Variants in DAB1 observed in about 807,000 individuals in gnomAD.
DAB1 encodes disabled homolog 1.
Under a neutral mutation model 64.6 loss-of-function variants are expected in DAB1, and 15 were observed. The observed-to-expected ratio is 0.23, with a 90% CI of 0.16 to 0.36. The LOEUF is 0.36. DAB1 is among the 10% of genes least tolerant of loss of function. The pLI is 1.00. For missense variants in DAB1, 596 were observed against 706.7 expected (o/e 0.84, Z 1.78); for synonymous variants, 235 against 251.9 (o/e 0.93, Z 0.64).
intron 6 of DAB1, among the ~76,000 whole-genome samples, chr1:57,745,979 T>C (rs1453203137): frequency 2.6e-5 from 4 of 152,206 alleles, no homozygotes; most frequent in African/African-American, 9.6e-5. Context: ...ACACTACATA[T>C]CATTGTGCAC....
chr1:57,070,291 T>C (rs1442169873), intron 7 of DAB1, among the ~76,000 whole-genome samples: 1 of 152,204 alleles, frequency 6.6e-6, no homozygotes, highest in Non-Finnish European at 1.5e-5. Context: ...TTCCTTTGTG[T>C]TCAATAAGTC....
chr1:58,506,462 A>T (rs892959553), intron 2 of DAB1, among the ~76,000 whole-genome samples: 3 of 152,154 alleles, frequency 2.0e-5, no homozygotes, highest in South Asian at 2.1e-4. Flanking sequence ...ATTTTCTATC[A>T]TCACTTTAAT....
intron 5 of DAB1, among the ~76,000 whole-genome samples, chr1:58,070,394 A>G (rs918525089): frequency 2.0e-5 from 3 of 152,194 alleles, no homozygotes; most frequent in Non-Finnish European, 4.4e-5. Flanking sequence ...TCATCACAAC[A>G]ACCCCATGAG....
chr1:58,350,651 G>C (rs1254585452), intron 3 of DAB1, among the ~76,000 whole-genome samples: 2 of 152,074 alleles, frequency 1.3e-5, no homozygotes, highest in Admixed American at 6.5e-5. Flanking sequence ...TGTAAGAAGG[G>C]GTACAGTTTC....
intron 5 of DAB1, among the ~76,000 whole-genome samples, chr1:57,948,513 G>A (rs947218223): frequency 3.3e-5 from 5 of 152,192 alleles, no homozygotes; most frequent in Admixed American, 3.3e-4. Context: ...TGGCTCTGAA[G>A]TAGCCAGCCC....
intron 9 of DAB1, among the ~76,000 whole-genome samples, chr1:57,029,270 A>G (rs1238465448): frequency 6.6e-6 from 1 of 152,212 alleles, no homozygotes; most frequent in Non-Finnish European, 1.5e-5. Flanking sequence ...CTACGGGTGC[A>G]CAGAAGTCAA....
At position 58,090,618 on chromosome 1, in the gene DAB1, C is replaced by T. The variant is rs549953121; in HGVS notation, n.387+59893G>A. On this transcript the variant is annotated intron_variant and non_coding_transcript_variant, in intron 5 of 20. Transcript: ENST00000485760. Reference sequence around the variant, plus strand: ...TTCTTGGGGTGGGCATCCAGTCCTACCTTCATCCCTTAGGCCTTATTTCCT... The same window carrying T: ...TTCTTGGGGTGGGCATCCAGTCCTATCTTCATCCCTTAGGCCTTATTTCCT... 6.6e-5 allele frequency among the ~76,000 whole-genome samples: 10 copies of T among 152,250 alleles called. 1 individual carries two copies. In the South Asian group the frequency reaches 2.1e-3, roughly 32 times the overall value.
chr1:57,426,874 A>ATATATATATTT (rs57970737), upstream of DAB1, among the ~76,000 whole-genome samples: 38 of 149,280 alleles, frequency 2.5e-4, no homozygotes, highest in African/African-American at 6.9e-4. Flanking sequence ...ATATATATAT[A>ATATATATATTT]TTTTTTTGAG....
intron 3 of DAB1, chr1:58,506,009 A>T (rs1645982880): frequency 1.3e-6 from 1 of 794,496 alleles, no homozygotes; most frequent in South Asian, 1.6e-5. Flanking sequence ...CAGCATTAAA[A>T]ATAAATGATA....
intron 2 of DAB1, among the ~76,000 whole-genome samples, chr1:58,527,100 A>C (rs1646364222): frequency 6.6e-6 from 1 of 152,148 alleles, no homozygotes; most frequent in Admixed American, 6.5e-5. Context: ...CATTCTTTCA[A>C]GGTCCATAAT....
At chr1:58,096,979 C>T (rs1106875) in intron 5 of DAB1, among the ~76,000 whole-genome samples, 10,341 of 152,254 alleles carry the variant, frequency 0.068, 476 homozygotes, top group African/African-American at 0.12. Context: ...TGTGAATCTG[C>T]GGCTGTCAAA....
At chr1:57,331,803 G>A (rs1454066761) in intron 1 of DAB1, among the ~76,000 whole-genome samples, 1 of 152,180 alleles carries the variant, frequency 6.6e-6, no homozygotes, top group Non-Finnish European at 1.5e-5. Context: ...ACTGAGATGA[G>A]AAAACTGGAG....
At chr1:57,111,643 A>C (rs1048513812) in intron 4 of DAB1, among the ~76,000 whole-genome samples, 3 of 152,138 alleles carry the variant, frequency 2.0e-5, no homozygotes, top group Admixed American at 6.6e-5. Context: ...TATCCCTCCC[A>C]GTCACTCCCT....
At chr1:58,408,064 C>T (rs955165082) in intron 3 of DAB1, among the ~76,000 whole-genome samples, 6 of 152,146 alleles carry the variant, frequency 3.9e-5, no homozygotes, top group Non-Finnish European at 7.3e-5. Context: ...GCCTCAGCAT[C>T]GCCTGAAATC....
intron 2 of DAB1, among the ~76,000 whole-genome samples, chr1:57,279,120 C>T (rs1034910947): frequency 6.6e-6 from 1 of 152,168 alleles, no homozygotes; most frequent in Non-Finnish European, 1.5e-5. Context: ...ACAGTGCTTG[C>T]TCCAAATTAA....
chr1:57,409,716 G>A (rs1245167649), intron 1 of DAB1, among the ~76,000 whole-genome samples: 1 of 152,206 alleles, frequency 6.6e-6, no homozygotes, highest in African/African-American at 2.4e-5. Context: ...GGCTGAGGCA[G>A]GAGAATCACT....
intron 6 of DAB1, among the ~76,000 whole-genome samples, chr1:57,673,197 G>T (rs1646528097): frequency 6.6e-6 from 1 of 152,112 alleles, no homozygotes; most frequent in African/African-American, 2.4e-5. Context: ...GACAGAAGGG[G>T]CATGGGACTT....
intron 7 of DAB1, among the ~76,000 whole-genome samples, chr1:57,622,922 C>T (rs1323379822): frequency 6.6e-6 from 1 of 152,154 alleles, no homozygotes; most frequent in Non-Finnish European, 1.5e-5. Context: ...CTAAGGCCAG[C>T]CAGAAGTTGT....
intron 2 of DAB1, among the ~76,000 whole-genome samples, chr1:57,240,210 AG>A (rs1668400670): frequency 6.6e-6 from 1 of 152,210 alleles, no homozygotes; most frequent in Admixed American, 6.5e-5. Context: ...GAAAAGGAAG[AG>A]GACAAAATAA....
Sources: gnomAD v4.1 joint callset for allele counts (sites outside exome capture counted in the v4.1 genomes callset) on GRCh38, gnomAD v4.1.1 for gene constraint, MANE v1.5 for transcripts, NCBI Gene and HGNC (gene_info 2026-07-23, HGNC 2026-07-21) for gene names.